TRIM55: variants seen among roughly 807,000 people sequenced by gnomAD.
The protein encoded by TRIM55 is tripartite motif-containing protein 55.
A neutral mutation model predicts 60.9 loss-of-function variants in TRIM55; 50 were observed. The observed-to-expected ratio is 0.82, with a 90% confidence interval of 0.65 to 1.04. The LOEUF is 1.04. Ranked by LOEUF, TRIM55 falls within the 50% of genes least tolerant of loss-of-function variation. The pLI, the probability that TRIM55 is intolerant of heterozygous loss-of-function variation, is 0.00. For synonymous variants in TRIM55, 237 were observed against 238.1 expected (o/e 1.00, Z 0.04); for missense variants, 681 against 666.9 (o/e 1.02, Z -0.23).
intron 3 of TRIM55, 65 bp from the exon 4 acceptor site, chr8:66,137,030 C>T (rs566951811): frequency 6.8e-5 from 92 of 1,349,170 alleles, no homozygotes; most frequent in South Asian, 6.7e-4. Context: ...AATATTATGA[C>T]CAATTCACAG....
rs1238041353 is a variant in TRIM55, at chr8:66,154,346, T to C, written c.1524+12T>C. The C allele has an allele frequency of 6.2e-7, 1 of 1,612,274 alleles. No individual in the cohort carries two copies. On this transcript the variant is annotated intron_variant, in intron 9 of 9. Transcript: ENST00000315962. ...CAGCTACTTCTCAGGTTAGTGATGA[T>C]GCACTTGTGTCTATGCTTTCCCGCG... is the stretch of plus-strand genomic sequence containing the variant.
At chr8:66,140,419 G>A (rs1044396981) in intron 4 of TRIM55, among the ~76,000 whole-genome samples, 1 of 152,224 alleles carries the variant, frequency 6.6e-6, no homozygotes, top group African/African-American at 2.4e-5. Flanking sequence ...TGACTCACAT[G>A]AGCATAGTTC....
At chr8:66,160,970 T>C (rs1394335180) in intron 9 of TRIM55, among the ~76,000 whole-genome samples, 3 of 152,076 alleles carry the variant, frequency 2.0e-5, no homozygotes, top group African/African-American at 4.8e-5. Flanking sequence ...ACTCTATGGG[T>C]TGTCTATTAA....
the TRIM55 span, among the ~76,000 whole-genome samples, chr8:66,115,421 C>CCCAGTTTCTAGTTTGGGATTATG: frequency 3.3e-5 from 5 of 152,230 alleles, no homozygotes; most frequent in African/African-American, 1.2e-4. Context: ...GATGACATGT[C>CCCAGTTTCTAGTTTGGGATTATG]CCAGTTTCTA....
intron 9 of TRIM55, among the ~76,000 whole-genome samples, chr8:66,154,570 G>C (rs907781322): frequency 2.6e-5 from 4 of 152,188 alleles, no homozygotes; most frequent in Non-Finnish European, 5.9e-5. Flanking sequence ...CCTCACACCT[G>C]GCTTCCCAGG....
intron 9 of TRIM55, among the ~76,000 whole-genome samples, chr8:66,161,871 G>A (rs1811072809): frequency 6.7e-6 from 1 of 148,222 alleles, no homozygotes; most frequent in Non-Finnish European, 1.5e-5. Context: ...TGTTAATTTT[G>A]TATCCTGAAA....
At chr8:66,113,913 A>G in the TRIM55 span, among the ~76,000 whole-genome samples, 2 of 151,188 alleles carry the variant, frequency 1.3e-5, no homozygotes, top group Non-Finnish European at 1.5e-5. Context: ...AGAGAACACA[A>G]TACTAAAAAC....
intron 9 of TRIM55, among the ~76,000 whole-genome samples, chr8:66,172,149 A>G (rs779408530): frequency 1.1e-4 from 17 of 152,152 alleles, no homozygotes; most frequent in Admixed American, 2.6e-4. Flanking sequence ...CTTTATGTGT[A>G]TTACTTTATT....
intron 4 of TRIM55, among the ~76,000 whole-genome samples, chr8:66,145,654 G>C (rs1428481652): frequency 6.6e-6 from 1 of 151,286 alleles, no homozygotes; most frequent in East Asian, 1.9e-4. Context: ...AGTGAATTTG[G>C]GTTTTGTTTT....
At chr8:66,148,832 G>A (rs899484556) in intron 4 of TRIM55, among the ~76,000 whole-genome samples, 4 of 152,062 alleles carry the variant, frequency 2.6e-5, no homozygotes, top group Admixed American at 2.0e-4. Context: ...GCGGATCACT[G>A]TAGGTCAGGA....
At chr8:66,160,387 A>C (rs945295994) in intron 9 of TRIM55, among the ~76,000 whole-genome samples, 1 of 118,914 alleles carries the variant, frequency 8.4e-6, no homozygotes, top group African/African-American at 4.9e-5. Context: ...GTGTGTGTGT[A>C]TCACATTTTC....
In TRIM55 at chr8:66,150,380, T is replaced by C. The variant is rs1193574347; in HGVS notation, c.899T>C (p.Ile300Thr). Residue 300 changes from isoleucine (I) to threonine (T), a missense_variant, in exon 7 of 10, where the codon ATA becomes ACA. Physicochemically the swap from Ile to Thr is moderately conservative, Grantham distance 89. Transcript: ENST00000315962. ...TCAAAGGCATTTCAGATGGAGAAAA[T>C]AGAACATGGCTATGAGAACATGAAC... Reference protein sequence around the residue: ...EASKAFQMEKIEHGYENMNHF... With the variant: ...EASKAFQMEKTEHGYENMNHF... 6 of 1,614,144 alleles carry C rather than the reference T, an allele frequency of 3.7e-6. No individual in the cohort carries two copies. Among genetic ancestry groups the C allele is most frequent in the Middle Eastern group, 1.6e-4 (1 of 6,062 alleles).
intron 9 of TRIM55, among the ~76,000 whole-genome samples, chr8:66,172,113 A>G (rs1811675803): frequency 1.3e-5 from 2 of 152,152 alleles, no homozygotes; most frequent in South Asian, 4.2e-4. Context: ...GGACCAACCT[A>G]ATATAAGTGA....
Position 66,128,304 on chromosome 8 carries a change from G to A in TRIM55, c.169G>A (p.Ala57Thr), listed in dbSNP as rs557767199. ...CTTTTTTCTTACTTGGCAAGAACAG[G>A]CCTCTAACCCGTATTTGCCCACAAG... is the stretch of plus-strand genomic sequence containing the variant. The part of the protein sequence containing the change: ...CRKCASDIFQ[A>T]SNPYLPTRGG... The change falls in exon 2 of 10, where the codon GCC (alanine) becomes ACC (threonine). Residue 57 changes from alanine to threonine, a missense_variant and splice_region_variant. By Grantham distance (58) the Ala-to-Thr change is moderately conservative. Transcript: ENST00000315962. 5.0e-6 allele frequency: 8 copies of A among 1,585,278 alleles called. No homozygotes were observed. Among genetic ancestry groups the A allele is most frequent in the African/African-American group, 1.4e-5 (1 of 73,488 alleles).
chr8:66,131,379 T>G (rs186931673), intron 2 of TRIM55, among the ~76,000 whole-genome samples: 1 of 152,320 alleles, frequency 6.6e-6, no homozygotes. Flanking sequence ...CTTTTAGCTG[T>G]TTTTCTGCTA....
intron 4 of TRIM55, among the ~76,000 whole-genome samples, chr8:66,140,366 T>A (rs1234645200): frequency 6.6e-6 from 1 of 152,226 alleles, no homozygotes; most frequent in Non-Finnish European, 1.5e-5. Flanking sequence ...ATAAAGTAAG[T>A]CTGACATTTT....
At chr8:66,142,430 A>G (rs1809868892) in intron 4 of TRIM55, among the ~76,000 whole-genome samples, 1 of 152,204 alleles carries the variant, frequency 6.6e-6, no homozygotes, top group African/African-American at 2.4e-5. Flanking sequence ...CTTCTGGGAA[A>G]CATGGTGACT....
the TRIM55 span, among the ~76,000 whole-genome samples, chr8:66,118,211 A>G: frequency 6.7e-6 from 1 of 149,832 alleles, no homozygotes; most frequent in African/African-American, 2.5e-5. Context: ...GTTCAGAGGA[A>G]AGTAAAATAT....
chr8:66,149,508 C>A (rs956922320), intron 4 of TRIM55, 137 bp from the exon 5 acceptor site: 2 of 674,292 alleles, frequency 3.0e-6, no homozygotes, highest in Non-Finnish European at 5.0e-6. Context: ...GGTATCCATA[C>A]CTAAATAGAC....
Sources: allele counts gnomAD v4.1 joint callset (sites outside exome capture counted in the v4.1 genomes callset), GRCh38; gene constraint gnomAD v4.1.1; transcripts MANE v1.5; gene names NCBI Gene and HGNC (gene_info 2026-07-23, HGNC 2026-07-21).